GRHL1: variants seen among roughly 807,000 people sequenced by gnomAD.
The protein encoded by GRHL1 is grainyhead like transcription factor 1, also known as grainyhead-like protein 1 homolog.
GRHL1 carries 38 observed loss-of-function variants against 75.7 expected under a neutral mutation model. The ratio of observed to expected loss-of-function variants is 0.50; its 90% CI spans 0.39 to 0.66. GRHL1 has a LOEUF of 0.66. Ranked by LOEUF, GRHL1 falls within the 30% of genes least tolerant of loss-of-function variation. The pLI is 0.00. For missense variants in GRHL1, 589 were observed against 767.5 expected (o/e 0.77, Z 2.75); for synonymous variants, 266 against 279.4 (o/e 0.95, Z 0.48).
intron 8 of GRHL1, among the ~76,000 whole-genome samples, chr2:9,967,265 T>A (rs1215130738): frequency 6.6e-6 from 1 of 152,232 alleles, no homozygotes; most frequent in African/African-American, 2.4e-5. Context: ...AGTGGCCAGC[T>A]CTTCTTCGTT....
Position 9,994,822 on chromosome 2 carries a change from C to T in GRHL1, c.1500-1057C>T, listed in dbSNP as rs143434461. 2.4e-3 allele frequency among the ~76,000 whole-genome samples: 371 copies of T among 152,246 alleles called. 1 individual carries two copies. Among genetic ancestry groups the T allele is most frequent in the Non-Finnish European group, 4.2e-3 (284 of 68,026 alleles). On this transcript the variant is annotated intron_variant, in intron 12 of 15. Coordinates refer to ENST00000324907, the MANE Select transcript of GRHL1 (RefSeq NM_198182.3). ...ATGCCAGGTGCCCCTGGTAGCCAGG[C>T]GTTCGTTCGATCTGAGTTTTTCTCT...
At chr2:9,970,103 A>G (rs551314867) in intron 8 of GRHL1, among the ~76,000 whole-genome samples, 4 of 152,286 alleles carry the variant, frequency 2.6e-5, no homozygotes, top group Non-Finnish European at 1.5e-5. Context: ...TCGGCCTCCC[A>G]AAGTGCTGGG....
rs574900525 is a variant in GRHL1 at position 9,998,681 on chromosome 2, C to CAT, written c.1678-277_1678-276dup. ...ACATATATATGTACACATATATATA[C>CAT]ATATATATGTACACACATATATATA... is the stretch of plus-strand genomic sequence containing the variant. On this transcript the variant is annotated intron_variant, in intron 14 of 15. Coordinates refer to ENST00000324907, the MANE Select transcript of GRHL1 (RefSeq NM_198182.3). Among the ~76,000 whole-genome samples, 239 of 64,724 alleles carry CAT rather than the reference C, an allele frequency of 3.7e-3. 70 individuals carry two copies. Among genetic ancestry groups the CAT allele is most frequent in the Non-Finnish European group, 5.7e-3 (209 of 36,366 alleles). 42.5% of individuals were successfully genotyped at this position (64,724 alleles called of 152,430 possible).
intron 4 of GRHL1, among the ~76,000 whole-genome samples, chr2:9,961,923 G>A (rs957167663): frequency 3.9e-5 from 6 of 152,118 alleles, no homozygotes; most frequent in Non-Finnish European, 8.8e-5. Flanking sequence ...TTATGGTGAT[G>A]AATACCTCAC....
intron 12 of GRHL1, among the ~76,000 whole-genome samples, chr2:9,995,075 G>A (rs986940668): frequency 1.3e-5 from 2 of 152,152 alleles, no homozygotes; most frequent in African/African-American, 2.4e-5. Flanking sequence ...TCTCTGCCAT[G>A]TAAAATTTAA....
intron 8 of GRHL1, among the ~76,000 whole-genome samples, chr2:9,982,155 C>T (rs1029965427): frequency 7.2e-5 from 11 of 152,164 alleles, no homozygotes; most frequent in Admixed American, 3.3e-4. Context: ...GGCTATGCCT[C>T]TGTAAAAATT....
rs1668400470 is a variant in GRHL1, at chr2:9,985,967, G to T, written c.1111-157G>T. Among the ~76,000 whole-genome samples, 3 of 152,080 alleles carry T rather than the reference G, an allele frequency of 2.0e-5. No homozygotes were observed. In the South Asian group the frequency reaches 6.2e-4, roughly 32 times the overall value. On this transcript the variant is annotated intron_variant, in intron 8 of 15. Transcript: ENST00000324907. ...AAAAGCAGTTTTAAAATAAACCCCT[G>T]ATCACCTCTTTTTAAAAACCCTTTT...
intron 8 of GRHL1, among the ~76,000 whole-genome samples, chr2:9,973,722 G>T (rs79713514): frequency 1.3e-5 from 2 of 152,128 alleles, no homozygotes; most frequent in Non-Finnish European, 2.9e-5. Context: ...AATTTCCCTA[G>T]GGTTTCTACA....
chr2:9,951,724 GC>G lies in GRHL1; in HGVS notation c.-108del. 9.6e-7 allele frequency: 1 copy of G among 1,040,340 alleles called. No homozygotes were observed. 64.4% of individuals were successfully genotyped at this position (1,040,340 alleles called of 1,614,324 possible). ...AGAAAAGCAAACCCAACCCGTCGGG[GC>G]CGCCGCTCCGGACCCGCAGCCGCCG... On this transcript the variant is annotated 5_prime_UTR_variant, in exon 1 of 16. Transcript: ENST00000324907. The surrounding 1 kb of genome is among the most constrained non-coding windows in gnomAD (Gnocchi z 4.2).
rs183906518 is a variant in GRHL1, at chr2:9,994,375, A to G, written c.1499+1131A>G. Among the ~76,000 whole-genome samples the G allele has an allele frequency of 1.1e-3, 167 of 150,882 alleles. 2 individuals carry two copies. The highest frequency in any genetic ancestry group is 3.7e-3 in the African/African-American group (151 of 41,092). On this transcript the variant is annotated intron_variant, in intron 12 of 15. Coordinates refer to ENST00000324907, the MANE Select transcript of GRHL1 (RefSeq NM_198182.3). ...ATTGTAGAGATCCTGGTCTCAGGCA[A>G]TCCTCCCGCCTCAGCCTCCCTCTTT... is the stretch of plus-strand genomic sequence containing the variant.
chr2:9,976,914 A>C (rs534080144), intron 8 of GRHL1, among the ~76,000 whole-genome samples: 4 of 152,324 alleles, frequency 2.6e-5, no homozygotes, highest in African/African-American at 9.6e-5. Flanking sequence ...CTTGAATGCT[A>C]AGGAATGTTG....
At chr2:9,991,242 T>A (rs187375729) in intron 10 of GRHL1, among the ~76,000 whole-genome samples, 93 of 152,294 alleles carry the variant, frequency 6.1e-4, no homozygotes, top group East Asian at 4.6e-3. Context: ...CTTTTTTTTT[T>A]AATTGTGACC....
At chr2:9,958,704 T>C in intron 2 of GRHL1, 82 bp from the exon 3 acceptor site, 1 of 1,040,766 alleles carries the variant, frequency 9.6e-7, no homozygotes, top group Non-Finnish European at 1.5e-6. Context: ...TTGAATTTAC[T>C]GAAAAATAAA....
intron 8 of GRHL1, 125 bp downstream of exon 8, chr2:9,965,506 C>T: frequency 1.6e-6 from 1 of 612,898 alleles, no homozygotes; most frequent in East Asian, 2.7e-5. Context: ...TGTTATGAAA[C>T]TATCCTCTTC....
In GRHL1 at chr2:9,986,069, G is replaced by A. The variant is rs1407837922; in HGVS notation, c.1111-55G>A. On this transcript the variant is annotated intron_variant, in intron 8 of 15. Transcript: ENST00000324907. ...AGTGATGTTAATATTTTCATGAGCT[G>A]TGCTAGGTTTGACTTGGTGCCTGTT... 2.3e-6 allele frequency: 3 copies of A among 1,322,448 alleles called. No homozygotes were observed. The African/African-American group carries it at 4.4e-5, about 20-fold the overall frequency. 81.9% of individuals were successfully genotyped at this position (1,322,448 alleles called of 1,614,324 possible). A position where few individuals can be genotyped will look rare whatever the true frequency, so the allele number is the denominator to read the frequency against.
chr2:9,986,355 A>C (rs1668417283), intron 9 of GRHL1, 73 bp downstream of exon 9: 2 of 970,790 alleles, frequency 2.1e-6, no homozygotes, highest in East Asian at 5.3e-5. Context: ...TCTCTTTAAT[A>C]TTTAATGTCA....
rs759133889 is a variant in GRHL1, at chr2:9,990,658, G to C, written c.1270-38G>C. On this transcript the variant is annotated intron_variant, in intron 9 of 15. Transcript: ENST00000324907. This position sits in a 1 kb window ranked among gnomAD's most constrained non-coding sequence, Gnocchi z 4.2. ...GAGTTAAATATTTTAAAGAAGATTG[G>C]AAAACAGAATCATATCTTGTCTTCT... The C allele has an allele frequency of 5.2e-6, 7 of 1,351,992 alleles. No homozygotes were observed. Among genetic ancestry groups the C allele is most frequent in the Non-Finnish European group, 7.3e-6 (7 of 962,472 alleles). 83.7% of individuals were successfully genotyped at this position (1,351,992 alleles called of 1,614,324 possible). A position where few individuals can be genotyped will look rare whatever the true frequency, so the allele number is the denominator to read the frequency against.
rs1356212441 is a variant in GRHL1, at chr2:9,995,871, C to T, written c.1500-8C>T. On this transcript the variant is annotated splice_polypyrimidine_tract_variant and splice_region_variant and intron_variant, in intron 12 of 15. Transcript: ENST00000324907. The stretch of plus-strand genomic sequence containing the variant: ...GAATCACTAACGGCATATTTTGGAT[C>T]ACTGCAGCTCTGTCTTGAAAAGGGG... The T allele has an allele frequency of 7.0e-6, 11 of 1,568,068 alleles. No homozygotes were observed. The highest frequency in any genetic ancestry group is 9.6e-6 in the Non-Finnish European group (11 of 1,141,274).
rs374428511 is a variant in GRHL1, at chr2:9,953,578, G to A, written c.21-1337G>A. ...CCAAATGTAACGTTTATGCCAAAAC[G>A]TGAGTAAAAACATTGGCTTTCAAAT... is the stretch of plus-strand genomic sequence containing the variant. On this transcript the variant is annotated intron_variant, in intron 1 of 15. Coordinates refer to ENST00000324907, the MANE Select transcript of GRHL1 (RefSeq NM_198182.3). Among the ~76,000 whole-genome samples the A allele has an allele frequency of 3.9e-5, 6 of 152,338 alleles. No homozygotes were observed. The South Asian group carries it at 6.2e-4, about 16-fold the overall frequency.
Sources: allele counts gnomAD v4.1 joint callset (sites outside exome capture counted in the v4.1 genomes callset), GRCh38; gene constraint gnomAD v4.1.1; non-coding constraint Gnocchi (gnomAD v3.1); transcripts MANE v1.5; gene names NCBI Gene and HGNC (gene_info 2026-07-23, HGNC 2026-07-21).